Variants in CEMIP observed in about 807,000 individuals in gnomAD.
CEMIP encodes cell migration inducing hyaluronidase 1.
Under a neutral mutation model 156.9 loss-of-function variants are expected in CEMIP, and 105 were observed. The observed-to-expected ratio is 0.67, with a 90% CI of 0.57 to 0.79. CEMIP has a LOEUF of 0.79. CEMIP is among the 30% of genes least tolerant of loss of function. The probability of loss-of-function intolerance (pLI) is 0.00; values close to 1 mark genes in which losing one functional copy is unlikely to be tolerated. For missense variants in CEMIP, 1,457 were observed against 1,769.4 expected (o/e 0.82, Z 3.17); for synonymous variants, 676 against 668.4 (o/e 1.01, Z -0.17).
At chr15:80,853,899 C>T (rs148995208) in intron 1 of CEMIP, among the ~76,000 whole-genome samples, 2 of 152,338 alleles carry the variant, frequency 1.3e-5, no homozygotes, top group African/African-American at 4.8e-5. Flanking sequence ...TTGCTTTGAA[C>T]CTTTGTTATG....
intron 15 of CEMIP, 45 bp downstream of exon 15, chr15:80,920,344 A>ACATGTGTGTG: frequency 3.9e-6 from 6 of 1,553,096 alleles, no homozygotes; most frequent in Non-Finnish European, 5.3e-6. Context: ...GAAGGGGTGT[A>ACATGTGTGTG]CATGTGTGTG....
At chr15:80,813,376 G>T (rs1323066188) in intron 1 of CEMIP, among the ~76,000 whole-genome samples, 9 of 144,884 alleles carry the variant, frequency 6.2e-5, no homozygotes, top group Non-Finnish European at 1.2e-4. Context: ...TTTTGACGGA[G>T]TCTCACTCTG....
At position 80,932,078 on chromosome 15, in the gene CEMIP, A is replaced by G. The variant is rs748713539; in HGVS notation, c.2793+39A>G. 6.2e-7 allele frequency: 1 copy of G among 1,605,884 alleles called. No homozygotes were observed. Among genetic ancestry groups the G allele is most frequent in the Admixed American group, 1.7e-5 (1 of 60,006 alleles). ...CAGGGCAGACTCCCGGCAAACCCAG[A>G]CTTTGGATGGTGATTCACAAGTCCC... On this transcript the variant is annotated intron_variant, in intron 22 of 29. Coordinates refer to ENST00000394685, the MANE Select transcript of CEMIP (RefSeq NM_001293298.2). The surrounding 1 kb of genome is among the most constrained non-coding windows in gnomAD (Gnocchi z 4.5).
In CEMIP at chr15:80,911,670, T is replaced by C. The variant is rs115807464; in HGVS notation, c.1797+2364T>C. 3.3e-3 allele frequency among the ~76,000 whole-genome samples: 497 copies of C among 152,354 alleles called. 1 individual carries two copies. Among genetic ancestry groups the C allele is most frequent in the African/African-American group, 0.011 (472 of 41,584 alleles). On this transcript the variant is annotated intron_variant, in intron 14 of 29. Transcript: ENST00000394685. ...CTCACACGTGCTGTGGAGAATGTGA[T>C]GGCTTCCTCTCAGGGTGGTTCAGTT... is the stretch of plus-strand genomic sequence containing the variant.
Position 80,884,002 on chromosome 15 carries a change from T to C in CEMIP, c.618-173T>C, listed in dbSNP as rs145473006. ...TCTTCTTGGATATCACTGTATGGTA[T>C]GCAAAATAATGAAACTTGTTTGCTC... On this transcript the variant is annotated intron_variant, in intron 6 of 29. Transcript: ENST00000394685. 9.4e-3 allele frequency among the ~76,000 whole-genome samples: 1,440 copies of C among 152,382 alleles called. 34 individuals carry two copies. The highest frequency in any genetic ancestry group is 0.034 in the African/African-American group (1,400 of 41,596).
chr15:80,879,986 G>A, intron 5 of CEMIP, 132 bp downstream of exon 5: 1 of 1,019,524 alleles, frequency 9.8e-7, no homozygotes, highest in Non-Finnish European at 1.5e-6. Flanking sequence ...GCCAGATGGG[G>A]ATCATGAACA....
chr15:80,942,556 C>A lies in CEMIP; in HGVS notation c.3699+219C>A, dbSNP rs555508958. On this transcript the variant is annotated intron_variant, in intron 27 of 29. Coordinates refer to ENST00000394685, the MANE Select transcript of CEMIP (RefSeq NM_001293298.2). ...TTCCTCAGCTTGCAGACACATTAAT[C>A]TCTGTCTTTATGTGGGCTTTTCTCC... Among the ~76,000 whole-genome samples the A allele has an allele frequency of 4.6e-5, 7 of 152,284 alleles. No homozygotes were observed. In the East Asian group the frequency reaches 1.4e-3, roughly 29 times the overall value.
intron 19 of CEMIP, among the ~76,000 whole-genome samples, chr15:80,927,909 G>A (rs1280919178): frequency 6.6e-6 from 1 of 152,110 alleles, no homozygotes; most frequent in East Asian, 1.9e-4. Flanking sequence ...TTCGGAAAAA[G>A]AAAAAGGTCC....
At chr15:80,799,283 T>C (rs763872205) in intron 1 of CEMIP, among the ~76,000 whole-genome samples, 1 of 152,206 alleles carries the variant, frequency 6.6e-6, no homozygotes, top group Non-Finnish European at 1.5e-5. Context: ...CCAGCCGCCT[T>C]GTGAGCACGA....
chr15:80,848,953 A>ATTTTTTTT (rs764417438), intron 1 of CEMIP, among the ~76,000 whole-genome samples: 1 of 72,504 alleles, frequency 1.4e-5, no homozygotes, highest in Non-Finnish European at 2.4e-5. Flanking sequence ...CTCTTTAGAA[A>ATTTTTTTT]TTTTTTTTTT....
intron 12 of CEMIP, chr15:80,900,887 A>G: frequency 4.4e-6 from 2 of 453,898 alleles, no homozygotes; most frequent in Non-Finnish European, 8.8e-6. Context: ...AGACACGGAC[A>G]CGATCTCCCT....
At chr15:80,795,803 ATGTATAGTCC>A (rs1354252564) in intron 1 of CEMIP, among the ~76,000 whole-genome samples, 1 of 152,126 alleles carries the variant, frequency 6.6e-6, no homozygotes, top group Non-Finnish European at 1.5e-5. Flanking sequence ...TGTGGCTCAC[ATGTATAGTCC>A]TGGCTACTTG....
At chr15:80,821,741 A>C (rs943047237) in intron 1 of CEMIP, among the ~76,000 whole-genome samples, 2 of 152,184 alleles carry the variant, frequency 1.3e-5, no homozygotes, top group African/African-American at 4.8e-5. Flanking sequence ...CTAATGGGCT[A>C]CTTAGAGGTG....
intron 23 of CEMIP, among the ~76,000 whole-genome samples, chr15:80,935,108 G>A (rs905523940): frequency 6.6e-6 from 1 of 152,200 alleles, no homozygotes; most frequent in African/African-American, 2.4e-5. Flanking sequence ...GCGGAGCTGT[G>A]CAATGAGCCA....
intron 1 of CEMIP, among the ~76,000 whole-genome samples, chr15:80,843,229 A>G (rs1334932105): frequency 6.6e-6 from 1 of 152,202 alleles, no homozygotes; most frequent in Non-Finnish European, 1.5e-5. Context: ...AAGAAATATT[A>G]GGTAACTCAC....
At chr15:80,917,410 C>T (rs552941372) in intron 14 of CEMIP, among the ~76,000 whole-genome samples, 10 of 152,272 alleles carry the variant, frequency 6.6e-5, no homozygotes, top group Non-Finnish European at 1.3e-4. Flanking sequence ...GCATCCTCCT[C>T]TGTAAAGTTG....
chr15:80,909,400 T>A (rs1042200775), intron 14 of CEMIP, 94 bp downstream of exon 14: 217 of 1,280,518 alleles, frequency 1.7e-4, no homozygotes, highest in Non-Finnish European at 2.4e-5. Context: ...ATCCAGGGCC[T>A]TTGGGGATTG....
intron 6 of CEMIP, 88 bp downstream of exon 6, chr15:80,881,224 C>A: frequency 8.8e-7 from 1 of 1,137,962 alleles, no homozygotes; most frequent in Non-Finnish European, 1.3e-6. Flanking sequence ...GCTCTAGGTG[C>A]TGGGAGAACA....
chr15:80,872,538 A>C (rs59713302), intron 1 of CEMIP, among the ~76,000 whole-genome samples: 12,210 of 151,332 alleles, frequency 0.081, 1,740 homozygotes, highest in African/African-American at 0.28. Context: ...AATAAACTAG[A>C]AGTTTAATTC....
Sources: gnomAD v4.1 joint callset for allele counts (sites outside exome capture counted in the v4.1 genomes callset) on GRCh38, gnomAD v4.1.1 for gene constraint, Gnocchi (gnomAD v3.1) non-coding constraint, MANE v1.5 for transcripts, NCBI Gene and HGNC (gene_info 2026-07-23, HGNC 2026-07-21) for gene names.